The following WRN variants were observed in gnomAD, a reference collection of about 807,000 sequenced individuals.
WRN encodes the protein bifunctional 3'-5' exonuclease/ATP-dependent helicase WRN.
In WRN, 149 loss-of-function variants were observed where a neutral mutation model predicts 180.7. The observed-to-expected ratio is 0.82, with a 90% CI of 0.72 to 0.94. The LOEUF (loss-of-function observed/expected upper bound fraction) is 0.94, where lower values mean the gene tolerates loss of function less well. Among genes scored for constraint, WRN ranks in the 40% least tolerant of loss-of-function variants. The pLI, the probability that WRN is intolerant of heterozygous loss-of-function variation, is 0.00. For missense variants in WRN, 1,661 were observed against 1,700.1 expected (o/e 0.98, Z 0.40); for synonymous variants, 548 against 568.9 (o/e 0.96, Z 0.52).
chr8:31,149,259 T>C (rs1367091857), intron 30 of WRN, among the ~76,000 whole-genome samples: 1 of 151,074 alleles, frequency 6.6e-6, no homozygotes, highest in Non-Finnish European at 1.5e-5. Context: ...TAGCCGGGCG[T>C]GGTGGCGGGT....
At chr8:31,077,079 G>A (rs529239118) in intron 8 of WRN, among the ~76,000 whole-genome samples, 1 of 152,262 alleles carries the variant, frequency 6.6e-6, no homozygotes, top group African/African-American at 2.4e-5. Flanking sequence ...ATTCTGACTC[G>A]AAAAAGTGCA....
chr8:31,105,317 C>T (rs903842459), intron 18 of WRN, among the ~76,000 whole-genome samples: 1 of 152,132 alleles, frequency 6.6e-6, no homozygotes, highest in African/African-American at 2.4e-5. Context: ...TTTCTTCTTT[C>T]CTTACTGTCT....
Position 31,100,951 on chromosome 8 carries a change from C to G in WRN, c.2084C>G (p.Pro695Arg). The G allele has an allele frequency of 6.2e-7, 1 of 1,613,254 alleles. No homozygotes were observed. The highest frequency in any genetic ancestry group is 1.1e-5 in the South Asian group (1 of 90,986). Residue 695 changes from proline to arginine, a missense_variant, in exon 18 of 35, where the codon CCA becomes CGA. Physicochemically the swap from Pro to Arg is moderately radical, Grantham distance 103. Transcript: ENST00000298139. ...RKLGSLKTAL[P>R]MVPIVALTAT... ...TTGGGCTCCCTAAAGACAGCACTGC[C>G]AATGGTAAGCTTTGCCAAGTCTGAT... is the stretch of plus-strand genomic sequence containing the variant.
At chr8:31,134,385 A>G (rs1024820666) in intron 24 of WRN, among the ~76,000 whole-genome samples, 2 of 152,226 alleles carry the variant, frequency 1.3e-5, no homozygotes, top group Admixed American at 6.5e-5. Flanking sequence ...TCTGTCTTAC[A>G]CAAGATTTTT....
chr8:31,057,700 CAG>C (rs1377007761), intron 1 of WRN, among the ~76,000 whole-genome samples: 1 of 151,744 alleles, frequency 6.6e-6, no homozygotes, highest in Non-Finnish European at 1.5e-5. Flanking sequence ...TGAGTCATAT[CAG>C]GGTACGGATC....
At chr8:31,080,012 C>T (rs1813237461) in intron 8 of WRN, among the ~76,000 whole-genome samples, 1 of 152,096 alleles carries the variant, frequency 6.6e-6, no homozygotes, top group Non-Finnish European at 1.5e-5. Context: ...TCCTGAGTAG[C>T]TGAGATTACA....
At chr8:31,099,363 C>A (rs1233430012) in intron 17 of WRN, among the ~76,000 whole-genome samples, 1 of 146,926 alleles carries the variant, frequency 6.8e-6, no homozygotes, top group Non-Finnish European at 1.5e-5. Context: ...GAGATTGCGC[C>A]ACTGCACTTT....
Position 31,087,878 on chromosome 8 carries a change from G to A in WRN, c.1534G>A (p.Asp512Asn), listed in dbSNP as rs1232681316. ...GLPTKEEEED[D>N]ENEANEGEED... ...TCCTACTAAAGAAGAAGAAGAAGAT[G>A]ATGAAAATGAAGCTAATGAAGGGGA... The change falls in exon 12 of 35, where the codon GAT (aspartate) becomes AAT (asparagine). Residue 512 changes from aspartate to asparagine, a missense_variant. Asp to Asn is a conservative substitution (Grantham distance 23). Coordinates refer to ENST00000298139, the MANE Select transcript of WRN (RefSeq NM_000553.6). The A allele has an allele frequency of 2.5e-6, 4 of 1,613,510 alleles. No homozygotes were observed. Among genetic ancestry groups the A allele is most frequent in the Non-Finnish European group, 3.4e-6 (4 of 1,179,792 alleles).
At chr8:31,040,409 G>C (rs1013163190) in intron 1 of WRN, among the ~76,000 whole-genome samples, 2 of 152,126 alleles carry the variant, frequency 1.3e-5, no homozygotes, top group African/African-American at 4.8e-5. Context: ...GAAGAGTAGA[G>C]GTCTGTGACT....
At chr8:31,114,894 G>GT (rs1491317898) in intron 19 of WRN, among the ~76,000 whole-genome samples, 20 of 137,908 alleles carry the variant, frequency 1.5e-4, no homozygotes, top group African/African-American at 5.6e-4. Context: ...TTAAAATAAG[G>GT]TTTTTTTTTT....
intron 20 of WRN, among the ~76,000 whole-genome samples, chr8:31,117,402 T>G (rs1047794548): frequency 2.0e-5 from 3 of 152,140 alleles, no homozygotes; most frequent in Non-Finnish European, 1.5e-5. Context: ...GTTGGATTGA[T>G]TTGAAGAAGA....
At chr8:31,150,167 AAG>A (rs987773011) in intron 30 of WRN, among the ~76,000 whole-genome samples, 172 bp from the exon 31 acceptor site, 4 of 152,240 alleles carry the variant, frequency 2.6e-5, no homozygotes, top group Admixed American at 2.6e-4. Context: ...AAAGCAAAGA[AAG>A]AAATTATAAA....
chr8:31,039,878 C>G (rs1276473278), intron 1 of WRN, among the ~76,000 whole-genome samples: 1 of 152,080 alleles, frequency 6.6e-6, no homozygotes, highest in Non-Finnish European at 1.5e-5. Flanking sequence ...ACCACCCTTG[C>G]CTTTCTGGGG....
intron 1 of WRN, among the ~76,000 whole-genome samples, chr8:31,046,921 A>C (rs916141945): frequency 6.6e-6 from 1 of 152,264 alleles, no homozygotes; most frequent in East Asian, 1.9e-4. Context: ...TTTTCTTCTT[A>C]TTCATGTTAC....
At chr8:31,152,917 C>G (rs1042915230) in intron 31 of WRN, among the ~76,000 whole-genome samples, 1 of 152,092 alleles carries the variant, frequency 6.6e-6, no homozygotes, top group Admixed American at 6.6e-5. Context: ...GTGGTGCTAG[C>G]CTGTAATCCC....
intron 33 of WRN, among the ~76,000 whole-genome samples, chr8:31,161,337 C>G (rs993103145): frequency 2.0e-5 from 3 of 152,068 alleles, no homozygotes; most frequent in Non-Finnish European, 4.4e-5. Context: ...TGGGCGATTT[C>G]ATTTTGTGGG....
chr8:31,158,550 C>T (rs1478405564), intron 33 of WRN, among the ~76,000 whole-genome samples: 1 of 151,996 alleles, frequency 6.6e-6, no homozygotes, highest in Non-Finnish European at 1.5e-5. Context: ...ATACCAATAG[C>T]CTCATCTCCA....
At position 31,116,462 on chromosome 8, in the gene WRN, C is replaced by A; in HGVS notation, c.2382C>A (p.Tyr794Ter). The change falls in exon 20 of 35, where the codon TAC becomes TAA. Residue 794 changes from tyrosine to a stop codon, truncating the protein, a stop_gained. Transcript: ENST00000298139. LOFTEE classifies it high-confidence loss of function. ...AACTGAATCTATCCTGTGGAACATA[C>A]CATGCGGGCATGAGTTTTAGCACAA... ...LRKLNLSCGT[Y>*]HAGMSFSTRK... is the part of the protein sequence containing the mutation. The A allele has an allele frequency of 6.2e-7, 1 of 1,614,006 alleles. No individual in the cohort carries two copies. Among genetic ancestry groups the A allele is most frequent in the Non-Finnish European group, 8.5e-7 (1 of 1,179,952 alleles).
rs757530533 is a variant in WRN at position 31,150,378 on chromosome 8, G to C, written c.3610G>C (p.Val1204Leu). 1.2e-6 allele frequency: 2 copies of C among 1,614,040 alleles called. No individual in the cohort carries two copies. The highest frequency in any genetic ancestry group is 2.7e-5 in the African/African-American group (2 of 74,918). Reference protein sequence around the residue: ...TVENVKRIDGVSEGKAAMLAP... With the variant: ...TVENVKRIDGLSEGKAAMLAP... ...TGAAAACGTAAAAAGGATTGATGGT[G>C]TTTCTGAAGGCAAAGCTGCCATGTT... is the stretch of plus-strand genomic sequence containing the variant. The change falls in exon 31 of 35, where the codon GTT becomes CTT. Residue 1204 changes from valine to leucine, a missense_variant. By Grantham distance (32) the Val-to-Leu change is conservative. Around this residue, in one of 3 missense-constraint regions of WRN, gnomAD observed 1,141 missense variants for 1,149.4 expected, o/e 0.99. Coordinates refer to ENST00000298139, the MANE Select transcript of WRN (RefSeq NM_000553.6).
Sources: allele counts gnomAD v4.1 joint callset (sites outside exome capture counted in the v4.1 genomes callset), GRCh38; gene constraint gnomAD v4.1.1; regional missense constraint gnomAD v4.1.1; transcripts MANE v1.5; gene names NCBI Gene and HGNC (gene_info 2026-07-23, HGNC 2026-07-21).